The following ANKRD45 variants were observed in gnomAD, a reference collection of about 807,000 sequenced individuals.
The protein encoded by ANKRD45 is ankyrin repeat domain-containing protein 45.
ANKRD45 carries 21 observed loss-of-function variants against 28.1 expected under a neutral mutation model. The observed-to-expected ratio is 0.75, with a 90% CI of 0.53 to 1.08. ANKRD45 has a LOEUF of 1.08. Ranked by LOEUF, ANKRD45 falls within the 50% of genes least tolerant of loss-of-function variation. The pLI, the probability that ANKRD45 is intolerant of heterozygous loss-of-function variation, is 0.00. For missense variants in ANKRD45, 261 were observed against 308.7 expected (o/e 0.85, Z 1.16); for synonymous variants, 86 against 103.9 (o/e 0.83, Z 1.05).
intron 3 of ANKRD45, among the ~76,000 whole-genome samples, chr1:173,637,386 TAAAG>T (rs1428176209): frequency 1.3e-5 from 2 of 152,250 alleles, no homozygotes; most frequent in Non-Finnish European, 2.9e-5. Context: ...CTAGCTGTAA[TAAAG>T]AAATCAATAT....
intron 3 of ANKRD45, among the ~76,000 whole-genome samples, chr1:173,640,474 A>G (rs1419497244): frequency 6.6e-6 from 1 of 152,050 alleles, no homozygotes; most frequent in Non-Finnish European, 1.5e-5. Flanking sequence ...CGTCAGAATC[A>G]TGGGTTGCTG....
chr1:173,713,129 T>C, the ANKRD45 span, among the ~76,000 whole-genome samples: 2 of 152,244 alleles, frequency 1.3e-5, no homozygotes, highest in African/African-American at 4.8e-5. Flanking sequence ...TTTTACTGCA[T>C]ATGTATATAT....
chr1:173,609,255 C>G lies in ANKRD45; in HGVS notation c.*890G>C, dbSNP rs1667046184. On this transcript the variant is annotated 3_prime_UTR_variant, in exon 6 of 6. Transcript: ENST00000333279. ...TATTACTGAATTACCCATTCCTTTT[C>G]CTTCTCCCCATAAGGGAAAACTAGC... Among the ~76,000 whole-genome samples, 1 of 152,206 alleles carries G rather than the reference C, an allele frequency of 6.6e-6. No individual in the cohort carries two copies. Among genetic ancestry groups the G allele is most frequent in the Admixed American group, 6.5e-5 (1 of 15,278 alleles).
intron 2 of ANKRD45, among the ~76,000 whole-genome samples, chr1:173,654,563 C>T (rs1245770407): frequency 6.6e-6 from 1 of 152,142 alleles, no homozygotes; most frequent in African/African-American, 2.4e-5. Flanking sequence ...GTGAATCTGA[C>T]AATTATGTGT....
chr1:173,702,706 T>C, the ANKRD45 span, among the ~76,000 whole-genome samples: 1 of 150,472 alleles, frequency 6.6e-6, no homozygotes, highest in South Asian at 2.1e-4. Flanking sequence ...CTGGCTGTCA[T>C]TCTGTGTCCT....
the ANKRD45 span, among the ~76,000 whole-genome samples, chr1:173,703,120 C>T: frequency 6.6e-6 from 1 of 152,090 alleles, no homozygotes; most frequent in Non-Finnish European, 1.5e-5. Context: ...CCTGCAACCT[C>T]CACCTCCTGG....
chr1:173,684,201 A>C, the ANKRD45 span, among the ~76,000 whole-genome samples: 2 of 152,174 alleles, frequency 1.3e-5, no homozygotes, highest in African/African-American at 4.8e-5. Flanking sequence ...TAATCAAAAA[A>C]GGTTGCTTTA....
At chr1:173,611,606 CACACACACACACACAA>C (rs1465218805) in intron 5 of ANKRD45, among the ~76,000 whole-genome samples, 6 of 148,576 alleles carry the variant, frequency 4.0e-5, no homozygotes, top group Non-Finnish European at 9.0e-5. Context: ...CACACACACA[CACACACACACACACAA>C]TAAAAATATA....
At chr1:173,714,330 A>AT in the ANKRD45 span, among the ~76,000 whole-genome samples, 287 of 152,204 alleles carry the variant, frequency 1.9e-3, 2 homozygotes, top group African/African-American at 6.6e-3. Flanking sequence ...CTGAAAAAAA[A>AT]TTTTTTTAAG....
chr1:173,673,577 T>A (rs1670326624), upstream of ANKRD45, among the ~76,000 whole-genome samples: 1 of 151,278 alleles, frequency 6.6e-6, no homozygotes. Context: ...AAGTGATTCA[T>A]ATAAATTATC....
chr1:173,621,948 C>A (rs768314094), intron 5 of ANKRD45, among the ~76,000 whole-genome samples: 15 of 152,166 alleles, frequency 9.9e-5, no homozygotes, highest in Admixed American at 3.9e-4. Flanking sequence ...TGATAAGCAA[C>A]TTCAGCAAAC....
intron 2 of ANKRD45, among the ~76,000 whole-genome samples, chr1:173,650,437 T>C (rs138209411): frequency 0.012 from 1,761 of 152,320 alleles, 44 homozygotes; most frequent in African/African-American, 0.041. Flanking sequence ...GAACTCATCC[T>C]TTTTTATGGC....
rs151262324 is a variant in ANKRD45 at position 173,620,908 on chromosome 1, C to T, written c.730+3879G>A. Reference sequence around the variant, plus strand: ...AAAAAAATTAATAAAATAGATAGACCACTAGCCAAATTAATAAATAAGAAA... The same window carrying T: ...AAAAAAATTAATAAAATAGATAGACTACTAGCCAAATTAATAAATAAGAAA... On this transcript the variant is annotated intron_variant, in intron 5 of 5. Coordinates refer to ENST00000333279, the MANE Select transcript of ANKRD45 (RefSeq NM_198493.3). 7.2e-3 allele frequency among the ~76,000 whole-genome samples: 1,089 copies of T among 151,836 alleles called. 11 individuals carry two copies. Among genetic ancestry groups the T allele is most frequent in the African/African-American group, 0.023 (970 of 41,438 alleles).
chr1:173,672,302 C>G (rs891968080), upstream of ANKRD45, among the ~76,000 whole-genome samples: 2 of 152,188 alleles, frequency 1.3e-5, no homozygotes. Context: ...CACTATACAA[C>G]ACATTTGCTC....
intron 3 of ANKRD45, among the ~76,000 whole-genome samples, chr1:173,628,425 G>A (rs1287411360): frequency 6.6e-6 from 1 of 152,076 alleles, no homozygotes; most frequent in African/African-American, 2.4e-5. Context: ...AGAAACCCAT[G>A]CTGGGCAGTA....
chr1:173,659,279 T>A lies in ANKRD45; in HGVS notation c.140A>T (p.Asp47Val). 1 of 1,613,992 alleles carries A rather than the reference T, an allele frequency of 6.2e-7. No homozygotes were observed. The highest frequency in any genetic ancestry group is 8.5e-7 in the Non-Finnish European group (1 of 1,179,980). Residue 47 changes from aspartate (D) to valine (V), a missense_variant, in exon 2 of 6, where the codon GAT (aspartate) becomes GTT (valine). Physicochemically the swap from Asp to Val is radical, Grantham distance 152. Transcript: ENST00000333279. The part of the protein sequence containing the change: ...NPLLQPALTG[D>V]VEGLQKIFED... ...AAATATCTTCTGCAAACCCTCTACA[T>A]CCCCTGTGAGAGCAGGTTGTAAAAG...
intron 3 of ANKRD45, among the ~76,000 whole-genome samples, chr1:173,640,437 A>C (rs959844212): frequency 1.3e-5 from 2 of 152,048 alleles, no homozygotes; most frequent in East Asian, 3.9e-4. Context: ...TGGACCCACC[A>C]TACTCTAGTT....
chr1:173,696,433 T>C, the ANKRD45 span, among the ~76,000 whole-genome samples: 2 of 152,232 alleles, frequency 1.3e-5, no homozygotes, highest in African/African-American at 4.8e-5. Flanking sequence ...TTAATCCATC[T>C]TGAGTAAATT....
At chr1:173,666,793 C>A (rs1670039514) in intron 1 of ANKRD45, among the ~76,000 whole-genome samples, 1 of 152,072 alleles carries the variant, frequency 6.6e-6, no homozygotes, top group African/African-American at 2.4e-5. Context: ...CACTCTGTCA[C>A]CCAAGCTGAA....
Sources: gnomAD v4.1 joint callset for allele counts (sites outside exome capture counted in the v4.1 genomes callset) on GRCh38, gnomAD v4.1.1 for gene constraint, MANE v1.5 for transcripts, NCBI Gene and HGNC (gene_info 2026-07-23, HGNC 2026-07-21) for gene names.